WDFY4: variants seen among roughly 807,000 people sequenced by gnomAD.
WDFY4 encodes WD repeat- and FYVE domain-containing protein 4.
A neutral mutation model predicts 351.9 loss-of-function variants in WDFY4; 169 were observed. That is an observed-to-expected ratio of 0.48 (90% CI 0.42 to 0.55). WDFY4 has a LOEUF of 0.55. WDFY4 is among the 20% of genes least tolerant of loss of function. WDFY4 has a pLI of 0.00. For synonymous variants in WDFY4, 1,622 were observed against 1,574.6 expected, an observed-to-expected ratio of 1.03 and a Z score of -0.71; for missense variants, 3,803 against 3,935.6, an observed-to-expected ratio of 0.97 and a Z score of 0.90.
chr10:48,779,158 A>G (rs1272513987), intron 18 of WDFY4, among the ~76,000 whole-genome samples: 1 of 152,238 alleles, frequency 6.6e-6, no homozygotes, highest in Non-Finnish European at 1.5e-5. Flanking sequence ...CCTTGCTGGG[A>G]CACAGGCTGC....
intron 23 of WDFY4, among the ~76,000 whole-genome samples, chr10:48,793,576 G>A (rs1313399104): frequency 1.3e-5 from 2 of 152,046 alleles, no homozygotes; most frequent in Non-Finnish European, 2.9e-5. Flanking sequence ...TTCTCGCTTT[G>A]TGTTTCTTTG....
chr10:48,717,998 C>A (rs922364426), intron 2 of WDFY4, among the ~76,000 whole-genome samples: 1 of 151,978 alleles, frequency 6.6e-6, no homozygotes, highest in South Asian at 2.1e-4. Context: ...TTCTTCCAAC[C>A]GATACTCTGT....
At chr10:48,696,248 C>T (rs964475744) in intron 1 of WDFY4, among the ~76,000 whole-genome samples, 2 of 152,218 alleles carry the variant, frequency 1.3e-5, no homozygotes, top group African/African-American at 4.8e-5. Context: ...CTGGAGTTAT[C>T]GTGAGTCCAG....
Position 48,830,739 on chromosome 10 carries a change from A to G in WDFY4, c.6380A>G (p.Gln2127Arg). The G allele has an allele frequency of 1.3e-6, 2 of 1,551,694 alleles. No homozygotes were observed. The highest frequency in any genetic ancestry group is 1.7e-6 in the Non-Finnish European group (2 of 1,146,952). The change falls in exon 38 of 62, where the codon CAG becomes CGG. Residue 2127 changes from glutamine (Q) to arginine (R), a missense_variant. This residue lies in a region of WDFY4 where 3,054 missense variants were observed against 3,148.6 expected (regional missense o/e 0.97). Coordinates refer to ENST00000325239, the MANE Select transcript of WDFY4 (RefSeq NM_001394531.1). The part of the protein sequence containing the change: ...NIQKTVQTLW[Q>R]QLVAQRQQTL... ...CAGAAGACAGTGCAGACTCTCTGGC[A>G]GCAGCTGGTGGCACAAAGGCAGCAG...
At chr10:48,956,379 C>G (rs192047353) in intron 51 of WDFY4, among the ~76,000 whole-genome samples, 2 of 152,288 alleles carry the variant, frequency 1.3e-5, no homozygotes, top group South Asian at 2.1e-4. Flanking sequence ...GACCCATTCT[C>G]TCTTATCGAA....
At chr10:48,787,055 A>G (rs1309726306) in intron 20 of WDFY4, among the ~76,000 whole-genome samples, 185 bp downstream of exon 20, 1 of 152,224 alleles carries the variant, frequency 6.6e-6, no homozygotes, top group Non-Finnish European at 1.5e-5. Flanking sequence ...GGAAATGACA[A>G]TATCTTTAGA....
At position 48,959,624 on chromosome 10, in the gene WDFY4, C is replaced by T. The variant is rs1487006624; in HGVS notation, c.8132-98C>T. 3 of 1,128,126 alleles carry T rather than the reference C, an allele frequency of 2.7e-6. No homozygotes were observed. In the African/African-American group the frequency reaches 4.6e-5, roughly 17 times the overall value. 69.9% of individuals were successfully genotyped at this position (1,128,126 alleles called of 1,614,324 possible). A position where few individuals can be genotyped will look rare whatever the true frequency, so the allele number is the denominator to read the frequency against. ...AGAACATAACTCACGTTCAGACCTA[C>T]ACAAAATCAGCAATCCTGGGCAATG... On this transcript the variant is annotated intron_variant, in intron 52 of 61. Transcript: ENST00000325239.
intron 43 of WDFY4, among the ~76,000 whole-genome samples, chr10:48,880,350 G>A (rs925206387): frequency 1.3e-5 from 2 of 152,202 alleles, no homozygotes; most frequent in Non-Finnish European, 2.9e-5. Flanking sequence ...TGGGGGAGCG[G>A]CAAGAGTCTG....
chr10:48,789,651 C>A (rs1223303493), intron 21 of WDFY4, among the ~76,000 whole-genome samples: 2 of 152,218 alleles, frequency 1.3e-5, no homozygotes, highest in East Asian at 3.8e-4. Context: ...GTAACTGAAG[C>A]TGCTCACTTA....
At chr10:48,836,827 C>A (rs1321296447) in intron 39 of WDFY4, among the ~76,000 whole-genome samples, 5 of 152,142 alleles carry the variant, frequency 3.3e-5, no homozygotes, top group Non-Finnish European at 5.9e-5. Flanking sequence ...ACTCAGGGTG[C>A]AGGCCACTTT....
chr10:48,702,519 AGAAGGCCTTTGAGAT>A (rs1295901082), intron 1 of WDFY4, among the ~76,000 whole-genome samples: 1 of 152,156 alleles, frequency 6.6e-6, no homozygotes, highest in Non-Finnish European at 1.5e-5. Context: ...GTCAGCTGAC[AGAAGGCCTTTGAGAT>A]GCAGCCAGGG....
chr10:48,687,272 A>G (rs969900952), intron 1 of WDFY4, among the ~76,000 whole-genome samples: 1 of 152,102 alleles, frequency 6.6e-6, no homozygotes, highest in African/African-American at 2.4e-5. Flanking sequence ...TCATTTATAT[A>G]TATAACAAAT....
At position 48,828,924 on chromosome 10, in the gene WDFY4, G is replaced by GT. The variant is rs764581750; in HGVS notation, c.6340+28_6340+29insT. 598 of 320,046 alleles carry GT rather than the reference G, an allele frequency of 1.9e-3. 3 individuals carry two copies. Among genetic ancestry groups the GT allele is most frequent in the Middle Eastern group, 3.3e-3 (3 of 920 alleles). 19.8% of individuals were successfully genotyped at this position (320,046 alleles called of 1,614,324 possible). A position where few individuals can be genotyped will look rare whatever the true frequency, so the allele number is the denominator to read the frequency against. ...ACATTTTATTTGTCATTGTGTGTGT[G>GT]GGCGGGGGGGGGGCGGGGAGGGGGT... is the stretch of plus-strand genomic sequence containing the variant. On this transcript the variant is annotated intron_variant, in intron 37 of 61. Transcript: ENST00000325239.
chr10:48,759,989 TGTGA>T (rs1182993496), intron 12 of WDFY4, among the ~76,000 whole-genome samples: 3 of 152,194 alleles, frequency 2.0e-5, no homozygotes, highest in Admixed American at 1.3e-4. Flanking sequence ...TGTGTGTGTG[TGTGA>T]GTGAGTGTGT....
At chr10:48,837,798 A>G (rs2068454478) in intron 39 of WDFY4, among the ~76,000 whole-genome samples, 1 of 152,206 alleles carries the variant, frequency 6.6e-6, no homozygotes, top group Non-Finnish European at 1.5e-5. Flanking sequence ...ACCTGTGTAC[A>G]TAGAGCATAA....
intron 39 of WDFY4, among the ~76,000 whole-genome samples, chr10:48,834,470 A>T (rs1452343020): frequency 2.0e-5 from 3 of 152,222 alleles, no homozygotes; most frequent in African/African-American, 4.8e-5. Flanking sequence ...TGCTTTAGAA[A>T]TAGGAGACTG....
chr10:48,880,239 C>A (rs2889698), intron 43 of WDFY4, among the ~76,000 whole-genome samples: 4 of 152,216 alleles, frequency 2.6e-5, no homozygotes, highest in South Asian at 4.1e-4. Context: ...GTCCCAGCCC[C>A]GCCTCTTGCA....
Position 48,890,732 on chromosome 10 carries a change from G to A in WDFY4, c.7316+5G>A. 1.3e-6 allele frequency: 2 copies of A among 1,551,576 alleles called. No individual in the cohort carries two copies. Among genetic ancestry groups the A allele is most frequent in the Non-Finnish European group, 1.7e-6 (2 of 1,146,916 alleles). On this transcript the variant is annotated splice_donor_5th_base_variant and intron_variant, in intron 44 of 61. Coordinates refer to ENST00000325239, the MANE Select transcript of WDFY4 (RefSeq NM_001394531.1). ...TACCCGTCACTGCTTATCCAAGTGA[G>A]TTATCCACTTCTCCCAGCAGATTCT...
intron 20 of WDFY4, among the ~76,000 whole-genome samples, chr10:48,787,920 T>C (rs940687984): frequency 1.0e-4 from 7 of 69,364 alleles, no homozygotes; most frequent in African/African-American, 2.0e-4. Context: ...TTCTTCTTCT[T>C]CTTCTTCTTC....
Sources: gnomAD v4.1 joint callset for allele counts (sites outside exome capture counted in the v4.1 genomes callset) on GRCh38, gnomAD v4.1.1 for gene constraint, gnomAD v4.1.1 regional missense constraint, MANE v1.5 for transcripts, NCBI Gene and HGNC (gene_info 2026-07-23, HGNC 2026-07-21) for gene names.